ADAMTSL3: variants seen among roughly 807,000 people sequenced by gnomAD.
ADAMTSL3 encodes the protein ADAMTS-like protein 3.
ADAMTSL3 carries 128 observed loss-of-function variants against 201.7 expected under a neutral mutation model. The observed-to-expected ratio is 0.63, with a 90% CI of 0.55 to 0.73. The LOEUF is 0.73. Ranked by LOEUF, ADAMTSL3 falls within the 30% of genes least tolerant of loss-of-function variation. The pLI, the probability that ADAMTSL3 is intolerant of heterozygous loss-of-function variation, is 0.00. For missense variants in ADAMTSL3, 1,990 were observed against 2,119.6 expected, an observed-to-expected ratio of 0.94 and a Z score of 1.20; for synonymous variants, 738 against 748.4, an observed-to-expected ratio of 0.99 and a Z score of 0.23.
rs759090787 is a variant in ADAMTSL3, at chr15:83,823,893, C to CTCTTCTTCTTCTTCTTCTTCTTCTTCT, written c.600+3901_600+3927dup. ...AGACTCCATTTCCTTCTTCTTCTTC[C>CTCTTCTTCTTCTTCTTCTTCTTCTTCT]TCTTCTTCTTCTTCTTCTTCTTCTT... On this transcript the variant is annotated intron_variant, in intron 6 of 29. Transcript: ENST00000286744. 4.3e-5 allele frequency among the ~76,000 whole-genome samples: 4 copies of CTCTTCTTCTTCTTCTTCTTCTTCTTCT among 93,112 alleles called. No individual in the cohort carries two copies. The East Asian group carries it at 1.4e-3, about 33-fold the overall frequency. The allele number at this position is 93,112 out of a possible 152,430, so 61.1% of individuals were successfully genotyped here. A position where few individuals can be genotyped will look rare whatever the true frequency, so the allele number is the denominator to read the frequency against.
At chr15:83,757,366 G>A (rs2062738002) in intron 3 of ADAMTSL3, among the ~76,000 whole-genome samples, 1 of 152,216 alleles carries the variant, frequency 6.6e-6, no homozygotes, top group African/African-American at 2.4e-5. Flanking sequence ...TAGTTGCCAA[G>A]GCTTGGGGCT....
chr15:83,878,549 G>T (rs546917093), intron 9 of ADAMTSL3, among the ~76,000 whole-genome samples: 1 of 152,138 alleles, frequency 6.6e-6, no homozygotes, highest in South Asian at 2.1e-4. Flanking sequence ...GAAAGGTAGA[G>T]GTTGCAGTGG....
intron 19 of ADAMTSL3, among the ~76,000 whole-genome samples, chr15:83,949,363 G>A (rs1185640773): frequency 6.6e-6 from 1 of 152,126 alleles, no homozygotes. Flanking sequence ...TGGCTGAATA[G>A]TACTCCATTG....
chr15:83,664,519 TA>T (rs1281097296), intron 2 of ADAMTSL3, among the ~76,000 whole-genome samples: 15 of 152,374 alleles, frequency 9.8e-5, no homozygotes, highest in African/African-American at 3.6e-4. Context: ...GGCATCACTG[TA>T]GATGCCTTCT....
At chr15:83,681,954 G>C (rs1184833613) in intron 2 of ADAMTSL3, among the ~76,000 whole-genome samples, 1 of 152,098 alleles carries the variant, frequency 6.6e-6, no homozygotes, top group Admixed American at 6.6e-5. Context: ...GATCCTACCT[G>C]TACTTGATCT....
intron 4 of ADAMTSL3, among the ~76,000 whole-genome samples, chr15:83,781,412 C>T (rs896994165): frequency 6.6e-6 from 1 of 152,128 alleles, no homozygotes; most frequent in African/African-American, 2.4e-5. Context: ...TAGTCATATG[C>T]AGAAGATTGA....
intron 4 of ADAMTSL3, among the ~76,000 whole-genome samples, chr15:83,794,336 T>C (rs762758545): frequency 7.9e-5 from 12 of 152,180 alleles, no homozygotes; most frequent in Non-Finnish European, 1.6e-4. Flanking sequence ...AGACTTAGGT[T>C]CACAATAAAA....
chr15:83,826,994 A>G (rs2064038667), intron 6 of ADAMTSL3, among the ~76,000 whole-genome samples: 1 of 152,168 alleles, frequency 6.6e-6, no homozygotes, highest in East Asian at 1.9e-4. Context: ...TCTTTATAGC[A>G]GCATGATTTA....
rs1258346086 is a variant in ADAMTSL3 at position 83,892,686 on chromosome 15, G to T, written c.1265G>T (p.Trp422Leu). ...AATTTTATTTGTTTGCTTTTGAGCT[G>T]GGAACATAATCCTTGGACTGCATGT... ...PYDHFQPLPR[W>L]EHNPWTACSV... Residue 422 changes from tryptophan to leucine, a missense_variant and splice_region_variant, in exon 13 of 30, where the codon TGG (tryptophan) becomes TTG (leucine). Physicochemically the swap from Trp to Leu is moderately conservative, Grantham distance 61. Transcript: ENST00000286744. The T allele has an allele frequency of 3.0e-5, 48 of 1,612,700 alleles. No homozygotes were observed. The highest frequency in any genetic ancestry group is 4.0e-5 in the Non-Finnish European group (47 of 1,179,450).
chr15:83,884,119 C>T (rs943862833), intron 9 of ADAMTSL3, among the ~76,000 whole-genome samples: 4 of 151,782 alleles, frequency 2.6e-5, no homozygotes, highest in Non-Finnish European at 4.4e-5. Context: ...TCTCAAACTC[C>T]TGACCTCAGA....
chr15:83,916,119 T>A (rs1032341994), intron 16 of ADAMTSL3, among the ~76,000 whole-genome samples: 2 of 152,184 alleles, frequency 1.3e-5, no homozygotes, highest in Non-Finnish European at 2.9e-5. Context: ...TGCCCTGCTA[T>A]GAGAAGAGAA....
Position 83,823,971 on chromosome 15 carries a change from T to TCC in ADAMTSL3, c.600+3924_600+3925insCC, listed in dbSNP as rs1426729947. Among the ~76,000 whole-genome samples the TCC allele has an allele frequency of 6.1e-3, 493 of 81,296 alleles. 38 individuals carry two copies. The highest frequency in any genetic ancestry group is 0.018 in the East Asian group (47 of 2,672). 53.3% of individuals were successfully genotyped at this position (81,296 alleles called of 152,430 possible). On this transcript the variant is annotated intron_variant, in intron 6 of 29. Coordinates refer to ENST00000286744, the MANE Select transcript of ADAMTSL3 (RefSeq NM_207517.3). ...CTTCTTCTTCTTCTTCTTCTTCTTC[T>TCC]TCTCCTCCTCCTCCTCCTCCTTCTC...
chr15:83,677,378 TC>T (rs2061421411), intron 2 of ADAMTSL3, among the ~76,000 whole-genome samples: 1 of 152,176 alleles, frequency 6.6e-6, no homozygotes, highest in Admixed American at 6.5e-5. Flanking sequence ...GATGATGAAA[TC>T]CTCAAGTATA....
chr15:83,803,540 A>G (rs879849042), intron 4 of ADAMTSL3, among the ~76,000 whole-genome samples: 1 of 152,170 alleles, frequency 6.6e-6, no homozygotes, highest in Non-Finnish European at 1.5e-5. Context: ...ATAAAGGGAA[A>G]AAATATGTAA....
At chr15:83,858,204 A>G (rs1270483923) in intron 7 of ADAMTSL3, among the ~76,000 whole-genome samples, 1 of 152,236 alleles carries the variant, frequency 6.6e-6, no homozygotes, top group African/African-American at 2.4e-5. Flanking sequence ...CCCAGGGGCC[A>G]CAGTTTGCAG....
At position 83,819,136 on chromosome 15, in the gene ADAMTSL3, G is replaced by A. The variant is rs534263944; in HGVS notation, c.364-675G>A. On this transcript the variant is annotated intron_variant, in intron 5 of 29. Transcript: ENST00000286744. Reference sequence around the variant, plus strand: ...AATACAAAAATAAGCTGGGCGTGGTGGCGGGCGCCTGTAGTCCCAGCTACT... The same window carrying A: ...AATACAAAAATAAGCTGGGCGTGGTAGCGGGCGCCTGTAGTCCCAGCTACT... 2.8e-4 allele frequency among the ~76,000 whole-genome samples: 42 copies of A among 151,936 alleles called. 1 individual carries two copies. Among genetic ancestry groups the A allele is most frequent in the Non-Finnish European group, 4.4e-4 (30 of 68,002 alleles).
chr15:83,911,579 A>G (rs1409320238), intron 15 of ADAMTSL3, among the ~76,000 whole-genome samples: 2 of 152,212 alleles, frequency 1.3e-5, no homozygotes, highest in Non-Finnish European at 2.9e-5. Flanking sequence ...AAGCCCTCAC[A>G]TGGAATCTGA....
At chr15:83,844,064 G>A (rs975384173) in intron 7 of ADAMTSL3, among the ~76,000 whole-genome samples, 3 of 152,166 alleles carry the variant, frequency 2.0e-5, no homozygotes, top group African/African-American at 7.2e-5. Context: ...TTCCAGGTTT[G>A]TTCCTTATTT....
chr15:84,020,704 G>A (rs74335271), intron 25 of ADAMTSL3, among the ~76,000 whole-genome samples: 1 of 152,280 alleles, frequency 6.6e-6, no homozygotes, highest in East Asian at 1.9e-4. Context: ...TCATCATCAT[G>A]TCCTACCTCA....
Sources: allele counts gnomAD v4.1 joint callset (sites outside exome capture counted in the v4.1 genomes callset), GRCh38; gene constraint gnomAD v4.1.1; transcripts MANE v1.5; gene names NCBI Gene and HGNC (gene_info 2026-07-23, HGNC 2026-07-21).